NR1H4: variants seen among roughly 807,000 people sequenced by gnomAD.
NR1H4 encodes the protein nuclear receptor subfamily 1 group H member 4.
Under a neutral mutation model 58.5 loss-of-function variants are expected in NR1H4, and 23 were observed. That is an observed-to-expected ratio of 0.39 (90% CI 0.28 to 0.56). The LOEUF (loss-of-function observed/expected upper bound fraction) is 0.56, where lower values mean the gene tolerates loss of function less well. Ranked by LOEUF, NR1H4 falls within the 20% of genes least tolerant of loss-of-function variation. The pLI, the probability that NR1H4 is intolerant of heterozygous loss-of-function variation, is 0.58. For missense variants in NR1H4, 487 were observed against 576.9 expected, an observed-to-expected ratio of 0.84 and a Z score of 1.60; for synonymous variants, 214 against 198.0, an observed-to-expected ratio of 1.08 and a Z score of -0.68.
intron 8 of NR1H4, among the ~76,000 whole-genome samples, chr12:100,537,718 G>GT (rs1954845380): frequency 6.6e-6 from 1 of 152,032 alleles, no homozygotes; most frequent in South Asian, 2.1e-4. Context: ...TTTTGTTTTT[G>GT]TTTTGTTTTG....
chr12:100,545,640 T>TAA (rs1955043786), intron 9 of NR1H4, among the ~76,000 whole-genome samples: 1 of 28,228 alleles, frequency 3.5e-5, no homozygotes, highest in Non-Finnish European at 5.1e-5. Flanking sequence ...AGACCTTGTC[T>TAA]CAAAAAAAAA....
At chr12:100,481,077 C>T (rs1953369594) in intron 1 of NR1H4, among the ~76,000 whole-genome samples, 1 of 152,222 alleles carries the variant, frequency 6.6e-6, no homozygotes, top group Admixed American at 6.5e-5. Context: ...CCACCACATT[C>T]TGTTGGTCAA....
intron 3 of NR1H4, among the ~76,000 whole-genome samples, chr12:100,502,718 A>G (rs1420503928): frequency 6.6e-6 from 1 of 152,206 alleles, no homozygotes; most frequent in African/African-American, 2.4e-5. Context: ...TTTTCAATAA[A>G]TTGCATGAGA....
At chr12:100,515,802 G>A (rs1033838524) in intron 4 of NR1H4, among the ~76,000 whole-genome samples, 8 of 152,134 alleles carry the variant, frequency 5.3e-5, no homozygotes, top group African/African-American at 1.4e-4. Context: ...TCAAATCATC[G>A]TGAGTTGTTT....
chr12:100,495,613 C>A (rs528331728), intron 3 of NR1H4, among the ~76,000 whole-genome samples: 1 of 149,878 alleles, frequency 6.7e-6, no homozygotes, highest in African/African-American at 2.5e-5. Context: ...TGCCTATAAT[C>A]CCAGCTACTC....
intron 4 of NR1H4, among the ~76,000 whole-genome samples, chr12:100,529,368 G>A (rs773496739): frequency 3.9e-5 from 6 of 152,038 alleles, no homozygotes; most frequent in Admixed American, 1.3e-4. Flanking sequence ...TCTCCAATAC[G>A]CGTTCCACCT....
chr12:100,559,469 C>A (rs1236415129), intron 9 of NR1H4, among the ~76,000 whole-genome samples: 1 of 152,200 alleles, frequency 6.6e-6, no homozygotes, highest in Non-Finnish European at 1.5e-5. Flanking sequence ...GGGCCCCTCA[C>A]TCGGAGCAGC....
At position 100,519,348 on chromosome 12, in the gene NR1H4, AGTGGGGCTCTGGCCCCACAGCT is replaced by A. The variant is rs964890101; in HGVS notation, c.445+8214_445+8235del. Among the ~76,000 whole-genome samples, 38 of 152,026 alleles carry A rather than the reference AGTGGGGCTCTGGCCCCACAGCT, an allele frequency of 2.5e-4. No individual in the cohort carries two copies. In the East Asian group the frequency reaches 4.7e-3, roughly 19 times the overall value. On this transcript the variant is annotated intron_variant, in intron 4 of 10. Coordinates refer to ENST00000392986, the MANE Select transcript of NR1H4 (RefSeq NM_001206979.2). ...GTTGTGGAGGGATTGGGCACTGGGGAGTGGGGCTCTGGCCCCACAGCTGTGGGGCTGGGTGGGGCTTGGTGCC... is the reference window on the plus strand; with the variant it reads ...GTTGTGGAGGGATTGGGCACTGGGGAGTGGGGCTGGGTGGGGCTTGGTGCC...
intron 2 of NR1H4, 52 bp from the exon 3 acceptor site, chr12:100,493,218 A>G: frequency 2.8e-6 from 2 of 714,434 alleles, no homozygotes; most frequent in Non-Finnish European, 5.1e-6. Flanking sequence ...CAGCTCTCCT[A>G]ACCAACCCTT....
Position 100,534,984 on chromosome 12 carries a change from T to G in NR1H4, c.693T>G (p.Arg231=). The change falls in exon 6 of 11, where the codon CGT becomes CGG. Residue 231 remains arginine, a synonymous_variant. Coordinates refer to ENST00000392986, the MANE Select transcript of NR1H4 (RefSeq NM_001206979.2). The part of the protein sequence containing the change: ...DQTVNEDSEG[R]DLRQVTSTTK... ...CCGTGAATGAAGACAGTGAAGGTCG[T>G]GACTTGCGACAAGTGACCTCGACAA... 1 of 1,614,220 alleles carries G rather than the reference T, an allele frequency of 6.2e-7. No homozygotes were observed.
chr12:100,540,589 G>A, intron 8 of NR1H4, 83 bp from the exon 9 acceptor site: 2 of 1,445,878 alleles, frequency 1.4e-6, no homozygotes, highest in South Asian at 1.1e-5. Flanking sequence ...ATCACTTGAT[G>A]TAAATGTTTT....
At chr12:100,511,855 G>A (rs542239016) in intron 4 of NR1H4, among the ~76,000 whole-genome samples, 3 of 152,250 alleles carry the variant, frequency 2.0e-5, no homozygotes, top group African/African-American at 7.2e-5. Flanking sequence ...CTGGGAGGTG[G>A]AGGTTGCAGT....
chr12:100,498,894 C>G (rs965748309), intron 3 of NR1H4, among the ~76,000 whole-genome samples: 1 of 152,014 alleles, frequency 6.6e-6, no homozygotes, highest in Non-Finnish European at 1.5e-5. Context: ...CTTCACTTAG[C>G]TGTGTATGCC....
intron 1 of NR1H4, among the ~76,000 whole-genome samples, chr12:100,480,804 T>G (rs1365109739): frequency 1.3e-5 from 2 of 152,240 alleles, no homozygotes; most frequent in African/African-American, 4.8e-5. Context: ...CTGCTGGTTA[T>G]GCCTGGGTTC....
At chr12:100,558,134 G>T (rs573881146) in intron 9 of NR1H4, among the ~76,000 whole-genome samples, 1 of 150,920 alleles carries the variant, frequency 6.6e-6, no homozygotes, top group African/African-American at 2.4e-5. Flanking sequence ...GCTGAGGTGG[G>T]TGGATCACAA....
intron 3 of NR1H4, among the ~76,000 whole-genome samples, chr12:100,503,055 T>C (rs1160296377): frequency 6.6e-6 from 1 of 152,166 alleles, no homozygotes; most frequent in African/African-American, 2.4e-5. Context: ...TTTTAAATCA[T>C]ACCATTCCAT....
intron 1 of NR1H4, among the ~76,000 whole-genome samples, chr12:100,488,952 G>A (rs73378060): frequency 0.066 from 10,086 of 152,134 alleles, 618 homozygotes; most frequent in African/African-American, 0.15. Flanking sequence ...CCTATAACAT[G>A]ACTCCTTTTA....
intron 4 of NR1H4, among the ~76,000 whole-genome samples, chr12:100,528,549 T>C (rs1954617682): frequency 1.3e-5 from 2 of 152,256 alleles, no homozygotes; most frequent in Non-Finnish European, 2.9e-5. Flanking sequence ...AGCAAGGCTC[T>C]GTTCCTCAGT....
At chr12:100,547,752 C>T (rs1341881987) in intron 9 of NR1H4, among the ~76,000 whole-genome samples, 1 of 151,740 alleles carries the variant, frequency 6.6e-6, no homozygotes, top group African/African-American at 2.4e-5. Context: ...CAGAGTCTCA[C>T]TCTGTCGCCC....
Sources: allele counts gnomAD v4.1 joint callset (sites outside exome capture counted in the v4.1 genomes callset), GRCh38; gene constraint gnomAD v4.1.1; transcripts MANE v1.5; gene names NCBI Gene and HGNC (gene_info 2026-07-23, HGNC 2026-07-21).